Variants in SEMA3C observed in about 807,000 individuals in gnomAD.
SEMA3C encodes semaphorin 3C, also known as semaphorin-3C.
SEMA3C carries 47 observed loss-of-function variants against 89.4 expected under a neutral mutation model. The ratio of observed to expected loss-of-function variants is 0.53; its 90% CI spans 0.42 to 0.67. The LOEUF (loss-of-function observed/expected upper bound fraction) is 0.67, where lower values mean the gene tolerates loss of function less well. Among genes scored for constraint, SEMA3C ranks in the 30% least tolerant of loss-of-function variants. The probability of loss-of-function intolerance (pLI) is 0.00; values close to 1 mark genes in which losing one functional copy is unlikely to be tolerated. For missense variants in SEMA3C, 839 were observed against 929.1 expected, an observed-to-expected ratio of 0.90 and a Z score of 1.26; for synonymous variants, 310 against 320.2, an observed-to-expected ratio of 0.97 and a Z score of 0.34.
intron 8 of SEMA3C, among the ~76,000 whole-genome samples, chr7:80,803,579 T>C (rs1789263664): frequency 6.6e-6 from 1 of 152,228 alleles, no homozygotes; most frequent in Non-Finnish European, 1.5e-5. Context: ...TGTGTTGCTA[T>C]GTATACTTAT....
At chr7:80,905,335 GGAGA>G (rs145855042) in intron 2 of SEMA3C, among the ~76,000 whole-genome samples, 3 of 118,934 alleles carry the variant, frequency 2.5e-5, no homozygotes, top group Non-Finnish European at 3.4e-5. Context: ...GGGGAGGGGT[GGAGA>G]GAGAGAGAGA....
At position 80,802,671 on chromosome 7, in the gene SEMA3C, C is replaced by A. The variant is rs888276409; in HGVS notation, c.910G>T (p.Glu304Ter). 1.2e-6 allele frequency: 2 copies of A among 1,610,294 alleles called. No homozygotes were observed. Among genetic ancestry groups the A allele is most frequent in the Admixed American group, 1.7e-5 (1 of 59,964 alleles). ...DEDGPETHFD[E>*]LEDVFLLETD... ...CAATCTCATATGTATGTACCTAATT[C>A]ATCAAAGTGTGTTTCTGGGCCGTCT... Residue 304 changes from glutamate to a stop codon, truncating the protein, a stop_gained, in exon 9 of 18, where the codon GAA (glutamate) becomes TAA (stop). Transcript: ENST00000265361. LOFTEE classifies it high-confidence loss of function.
At chr7:80,805,894 G>A (rs922579381) in intron 6 of SEMA3C, 136 bp from the exon 7 acceptor site, 1 of 499,018 alleles carries the variant, frequency 2.0e-6, no homozygotes, top group African/African-American at 2.0e-5. Context: ...TAATTGGTTT[G>A]CATTGTCCAG....
intron 2 of SEMA3C, among the ~76,000 whole-genome samples, chr7:80,840,518 G>GAAA (rs1171113816): frequency 3.0e-4 from 25 of 82,500 alleles, no homozygotes; most frequent in East Asian, 1.5e-3. Flanking sequence ...CTGTCTCCAG[G>GAAA]AAAAAAAAAA....
In SEMA3C at chr7:80,798,082, G is replaced by A. The variant is rs1463687181; in HGVS notation, c.1131+10C>T. 6.3e-7 allele frequency: 1 copy of A among 1,593,000 alleles called. No individual in the cohort carries two copies. The highest frequency in any genetic ancestry group is 1.9e-5 in the Admixed American group (1 of 53,930). ...AGCATCATAACAAAGAATTTTCCCT[G>A]GATACTTACAGTTCCAGGGCGAGGA... On this transcript the variant is annotated intron_variant, in intron 11 of 17. Coordinates refer to ENST00000265361, the MANE Select transcript of SEMA3C (RefSeq NM_006379.5).
At chr7:80,815,554 CAAAAAAAA>C (rs761990267) in intron 5 of SEMA3C, among the ~76,000 whole-genome samples, 1 of 58,856 alleles carries the variant, frequency 1.7e-5, no homozygotes, top group Non-Finnish European at 3.2e-5. Context: ...TTTAAATGGG[CAAAAAAAA>C]AAAAAAAAAA....
intron 2 of SEMA3C, among the ~76,000 whole-genome samples, chr7:80,851,641 A>C (rs1402440059): frequency 6.6e-6 from 1 of 151,904 alleles, no homozygotes; most frequent in Non-Finnish European, 1.5e-5. Context: ...AAGGAGCAAG[A>C]CCTAACTGAG....
rs184859272 is a variant in SEMA3C at position 80,812,401 on chromosome 7, C to T, written c.448-1700G>A. Among the ~76,000 whole-genome samples the T allele has an allele frequency of 4.0e-3, 615 of 152,214 alleles. 3 individuals carry two copies. Among genetic ancestry groups the T allele is most frequent in the African/African-American group, 0.014 (563 of 41,524 alleles). ...TCAGTCTCCTGACTCCTAGTGAATC[C>T]GATTTCCAAAAGATCTTCATTCATG... On this transcript the variant is annotated intron_variant, in intron 5 of 17. Coordinates refer to ENST00000265361, the MANE Select transcript of SEMA3C (RefSeq NM_006379.5).
chr7:80,832,552 C>T (rs1048737948), intron 2 of SEMA3C, among the ~76,000 whole-genome samples: 1 of 152,112 alleles, frequency 6.6e-6, no homozygotes, highest in Admixed American at 6.6e-5. Flanking sequence ...AGCCAGTGAA[C>T]TCTGGAGGGA....
intron 4 of SEMA3C, 121 bp from the exon 5 acceptor site, chr7:80,818,539 TA>T (rs1789666439): frequency 8.6e-7 from 1 of 1,161,562 alleles, no homozygotes; most frequent in African/African-American, 1.5e-5. Context: ...ACTTTTGATG[TA>T]TTAGTCCAGG....
chr7:80,912,852 G>A (rs911442915), intron 2 of SEMA3C, among the ~76,000 whole-genome samples: 1 of 152,128 alleles, frequency 6.6e-6, no homozygotes, highest in African/African-American at 2.4e-5. Context: ...AACGTGCCTT[G>A]TAATGCTAAT....
At chr7:80,889,543 T>A (rs1281243008) in intron 2 of SEMA3C, among the ~76,000 whole-genome samples, 1 of 152,146 alleles carries the variant, frequency 6.6e-6, no homozygotes, top group Non-Finnish European at 1.5e-5. Flanking sequence ...ATCTTTAAAA[T>A]ATATTGTCCT....
At chr7:80,838,445 T>C (rs938952395) in intron 2 of SEMA3C, among the ~76,000 whole-genome samples, 2 of 152,210 alleles carry the variant, frequency 1.3e-5, no homozygotes, top group South Asian at 2.1e-4. Flanking sequence ...TTCATATTAC[T>C]ATACATCTTG....
intron 4 of SEMA3C, among the ~76,000 whole-genome samples, chr7:80,826,755 G>A (rs1164270470): frequency 1.3e-5 from 2 of 152,060 alleles, no homozygotes; most frequent in Admixed American, 6.6e-5. Flanking sequence ...ATTAAATGAC[G>A]TGTACACATT....
At chr7:80,838,106 G>T (rs545708590) in intron 2 of SEMA3C, among the ~76,000 whole-genome samples, 1 of 152,144 alleles carries the variant, frequency 6.6e-6, no homozygotes, top group South Asian at 2.1e-4. Flanking sequence ...GAAAATCATG[G>T]TTTACATGAA....
chr7:80,919,328 G>A, upstream of SEMA3C: 10 of 985,280 alleles, frequency 1.0e-5, no homozygotes, highest in Non-Finnish European at 1.2e-5. Context: ...CCCTAGCTCC[G>A]CAACCCTGCT....
chr7:80,746,408 A>G (rs1787800159), intron 17 of SEMA3C, among the ~76,000 whole-genome samples: 1 of 147,466 alleles, frequency 6.8e-6, no homozygotes, highest in African/African-American at 2.5e-5. Context: ...TCAAAAACAA[A>G]TTGTGTATAA....
chr7:80,763,161 A>G (rs1454871019), intron 13 of SEMA3C, among the ~76,000 whole-genome samples: 1 of 152,192 alleles, frequency 6.6e-6, no homozygotes, highest in African/African-American at 2.4e-5. Context: ...ACAGAGGACT[A>G]AAAGAAGAGA....
chr7:80,799,878 G>A lies in SEMA3C; in HGVS notation c.986+879C>T, dbSNP rs1364336375. Among the ~76,000 whole-genome samples, 30 of 138,836 alleles carry A rather than the reference G, an allele frequency of 2.2e-4. 1 individual carries two copies. Among genetic ancestry groups the A allele is most frequent in the Admixed American group, 1.5e-4 (2 of 13,362 alleles). The allele number at this position is 138,836 out of a possible 152,430, so 91.1% of individuals were successfully genotyped here. On this transcript the variant is annotated intron_variant, in intron 10 of 17. Transcript: ENST00000265361. The stretch of plus-strand genomic sequence containing the variant: ...TAAAAAAAAAAAAAAATGGCCGGGC[G>A]CAGTGGCTCATGCCTGTAATCCCAA...
Sources: gnomAD v4.1 joint callset for allele counts (sites outside exome capture counted in the v4.1 genomes callset) on GRCh38, gnomAD v4.1.1 for gene constraint, MANE v1.5 for transcripts, NCBI Gene and HGNC (gene_info 2026-07-23, HGNC 2026-07-21) for gene names.